The following EMID1 variants were observed in gnomAD, a reference collection of about 807,000 sequenced individuals.
EMID1 encodes the protein EMI domain-containing protein 1.
A neutral mutation model predicts 60.6 loss-of-function variants in EMID1; 40 were observed. The ratio of observed to expected loss-of-function variants is 0.66; its 90% CI spans 0.51 to 0.86. The LOEUF is 0.86. Among genes scored for constraint, EMID1 ranks in the 40% least tolerant of loss-of-function variants. The pLI is 0.00. For synonymous variants in EMID1, 242 were observed against 231.0 expected (o/e 1.05, Z -0.43); for missense variants, 585 against 597.1 (o/e 0.98, Z 0.21).
chr22:29,216,442 T>C, intron 3 of EMID1: 3 of 985,394 alleles, frequency 3.0e-6, no homozygotes, highest in Non-Finnish European at 3.6e-6. Context: ...CTAAAGAGGA[T>C]GGGCTGGCCC....
At position 29,233,453 on chromosome 22, in the gene EMID1, C is replaced by T; in HGVS notation, c.898C>T (p.Pro300Ser). Residue 300 changes from proline to serine, a missense_variant, in exon 9 of 15, where the codon CCT (proline) becomes TCT (serine). Transcript: ENST00000334018. ...WPQGPTGPPG[P>S]PGPMGPPGPP... is the part of the protein sequence containing the mutation. ...CCAGGGACCCACTGGGCCTCCAGGCCCTCCAGGGCCCATGGGTAAGTTGAG... is the reference window on the plus strand; with the variant it reads ...CCAGGGACCCACTGGGCCTCCAGGCTCTCCAGGGCCCATGGGTAAGTTGAG... 1 of 1,614,220 alleles carries T rather than the reference C, an allele frequency of 6.2e-7. No individual in the cohort carries two copies. The highest frequency in any genetic ancestry group is 8.5e-7 in the Non-Finnish European group (1 of 1,180,020).
At chr22:29,209,739 T>C (rs2039811185) in intron 1 of EMID1, among the ~76,000 whole-genome samples, 1 of 151,778 alleles carries the variant, frequency 6.6e-6, no homozygotes, top group Non-Finnish European at 1.5e-5. Flanking sequence ...TGAATAAGAG[T>C]TGGCTGGAGC....
chr22:29,248,954 A>G, intron 13 of EMID1, among the ~76,000 whole-genome samples: 1 of 152,206 alleles, frequency 6.6e-6, no homozygotes, highest in Middle Eastern at 3.2e-3. Flanking sequence ...AGACTGAAAC[A>G]TCATTATGTG....
At chr22:29,240,828 TTC>T (rs2041128445) in intron 12 of EMID1, among the ~76,000 whole-genome samples, 1 of 152,178 alleles carries the variant, frequency 6.6e-6, no homozygotes, top group Non-Finnish European at 1.5e-5. Context: ...TGGACGCACT[TTC>T]TCTCTCAAAC....
Position 29,239,345 on chromosome 22 carries a change from G to T in EMID1, c.1075-4100G>T, listed in dbSNP as rs2041073655. Reference sequence around the variant, plus strand: ...AGGGTTTTACCATGTTACCCAGGCTGGTCTCAAACTCCTGAGTTTAAGCAG... The same window carrying T: ...AGGGTTTTACCATGTTACCCAGGCTTGTCTCAAACTCCTGAGTTTAAGCAG... On this transcript the variant is annotated intron_variant, in intron 12 of 14. Coordinates refer to ENST00000334018, the MANE Select transcript of EMID1 (RefSeq NM_133455.4). Among the ~76,000 whole-genome samples the T allele has an allele frequency of 1.3e-5, 2 of 148,342 alleles. 1 individual carries two copies. The highest frequency in any genetic ancestry group is 5.1e-5 in the African/African-American group (2 of 39,268).
intron 12 of EMID1, among the ~76,000 whole-genome samples, chr22:29,234,751 A>C (rs2040880746): frequency 1.3e-5 from 2 of 152,176 alleles, no homozygotes; most frequent in Non-Finnish European, 2.9e-5. Context: ...ATCTTTATGA[A>C]ATTAATATCT....
intron 1 of EMID1, among the ~76,000 whole-genome samples, chr22:29,211,446 G>A (rs2039876935): frequency 6.6e-6 from 1 of 152,096 alleles, no homozygotes; most frequent in Non-Finnish European, 1.5e-5. Context: ...CTATGTGTGT[G>A]TGCACGTGCT....
intron 1 of EMID1, among the ~76,000 whole-genome samples, chr22:29,212,751 G>A (rs1246180859): frequency 2.0e-5 from 3 of 150,324 alleles, no homozygotes; most frequent in East Asian, 2.0e-4. Flanking sequence ...TTTTAGTAGA[G>A]ACAGGGTTTC....
chr22:29,221,265 T>G (rs2040288022), intron 3 of EMID1, among the ~76,000 whole-genome samples: 1 of 151,976 alleles, frequency 6.6e-6, no homozygotes. Flanking sequence ...AGCCCTTCAG[T>G]AGGAACCACC....
chr22:29,208,331 C>T (rs1473687653), intron 1 of EMID1, among the ~76,000 whole-genome samples: 3 of 152,162 alleles, frequency 2.0e-5, no homozygotes, highest in African/African-American at 7.2e-5. Flanking sequence ...CGCCCCTTGC[C>T]CCAGGAAGGT....
At chr22:29,254,737 C>T (rs1051708910) in intron 14 of EMID1, 24 of 183,984 alleles carry the variant, frequency 1.3e-4, no homozygotes, top group Middle Eastern at 2.6e-3. Context: ...GATCCAGACT[C>T]TAGTCAGCCT....
intron 13 of EMID1, among the ~76,000 whole-genome samples, chr22:29,253,504 C>T (rs2041597174): frequency 6.6e-6 from 1 of 152,138 alleles, no homozygotes; most frequent in South Asian, 2.1e-4. Flanking sequence ...ATCGCTTGAA[C>T]CTGGGAGGTG....
chr22:29,206,027 G>T lies in EMID1; in HGVS notation c.-12G>T, dbSNP rs1428440637. 10 of 1,219,394 alleles carry T rather than the reference G, an allele frequency of 8.2e-6. No individual in the cohort carries two copies. Among genetic ancestry groups the T allele is most frequent in the Non-Finnish European group, 9.2e-6 (9 of 980,034 alleles). The allele number at this position is 1,219,394 out of a possible 1,614,324, so 75.5% of individuals were successfully genotyped here. On this transcript the variant is annotated 5_prime_UTR_variant, in exon 1 of 15. Transcript: ENST00000334018. ...CCGCGAGGGGCCGCGCGCGGAGGGCGCCTGGTGCAGCATGGGCGGCCCGCG... is the reference window on the plus strand; with the variant it reads ...CCGCGAGGGGCCGCGCGCGGAGGGCTCCTGGTGCAGCATGGGCGGCCCGCG...
intron 1 of EMID1, among the ~76,000 whole-genome samples, chr22:29,212,547 A>G (rs765233174): frequency 6.7e-6 from 1 of 149,212 alleles, no homozygotes; most frequent in African/African-American, 2.5e-5. Context: ...CCAGAGTCTC[A>G]GTCTTCCCAT....
At chr22:29,257,186 C>T (rs1015135089) in intron 14 of EMID1, among the ~76,000 whole-genome samples, 2 of 151,992 alleles carry the variant, frequency 1.3e-5, no homozygotes, top group South Asian at 2.1e-4. Flanking sequence ...CAGCTTGGGT[C>T]GGGGCTTGGA....
intron 14 of EMID1, among the ~76,000 whole-genome samples, chr22:29,258,290 C>T (rs115794708): frequency 1.5e-3 from 221 of 152,270 alleles, no homozygotes; most frequent in African/African-American, 5.1e-3. Flanking sequence ...TGGTTCCATC[C>T]GGAACTGTCC....
chr22:29,256,656 C>T (rs531376770), intron 14 of EMID1, among the ~76,000 whole-genome samples: 7 of 151,916 alleles, frequency 4.6e-5, no homozygotes, highest in Non-Finnish European at 8.8e-5. Flanking sequence ...GGCAGGGAAT[C>T]GTATCTACGG....
chr22:29,247,416 G>A (rs2041364291), intron 13 of EMID1, among the ~76,000 whole-genome samples: 1 of 152,172 alleles, frequency 6.6e-6, no homozygotes, highest in Non-Finnish European at 1.5e-5. Context: ...TTTTGTTGTG[G>A]CATGAGCATC....
intron 1 of EMID1, among the ~76,000 whole-genome samples, chr22:29,208,057 G>A (rs538066578): frequency 2.6e-5 from 4 of 152,296 alleles, no homozygotes; most frequent in Admixed American, 1.3e-4. Flanking sequence ...GACCAGCACC[G>A]GGCCTCACCT....
Sources: gnomAD v4.1 joint callset for allele counts (sites outside exome capture counted in the v4.1 genomes callset) on GRCh38, gnomAD v4.1.1 for gene constraint, MANE v1.5 for transcripts, NCBI Gene and HGNC (gene_info 2026-07-23, HGNC 2026-07-21) for gene names.